PRSS55: variants seen among roughly 807,000 people sequenced by gnomAD.
PRSS55 encodes the protein probable serine protease UNQ9391/PRO34284.
A neutral mutation model predicts 23.6 loss-of-function variants in PRSS55; 41 were observed. That is an observed-to-expected ratio of 1.74 (90% CI 1.35 to 2.26). The LOEUF is 2.26. Among genes scored for constraint, PRSS55 ranks in the 30% most tolerant of loss-of-function variants. The pLI, the probability that PRSS55 is intolerant of heterozygous loss-of-function variation, is 0.00. For missense variants in PRSS55, 669 were observed against 439.1 expected (o/e 1.52, Z -4.68); for synonymous variants, 262 against 175.5 (o/e 1.49, Z -3.90).
chr8:10,525,720 T>A lies in PRSS55; in HGVS notation c.135T>A (p.His45Gln). 1.2e-6 allele frequency: 2 copies of A among 1,608,996 alleles called. No individual in the cohort carries two copies. Among genetic ancestry groups the A allele is most frequent in the South Asian group, 1.1e-5 (1 of 90,268 alleles). ...GAGCCCACCGCCCTCAGCCCCCTCA[T>A]CCCCCCAGCCCAGTCAGTGGTGAGT... ...ARGAHRPQPP[H>Q]PPSPVSECGD... Residue 45 changes from histidine (H) to glutamine (Q), a missense_variant, in exon 1 of 5, where the codon CAT (histidine) becomes CAA (glutamine). Physicochemically the swap from His to Gln is conservative, Grantham distance 24. Transcript: ENST00000328655.
chr8:10,538,035 G>A (rs948534700), intron 4 of PRSS55, among the ~76,000 whole-genome samples: 9 of 152,242 alleles, frequency 5.9e-5, no homozygotes, highest in African/African-American at 2.2e-4. Context: ...TTCTCTCTGT[G>A]CTTCTGCAAG....
chr8:10,526,421 C>A (rs1297618412), intron 1 of PRSS55, among the ~76,000 whole-genome samples: 1 of 152,232 alleles, frequency 6.6e-6, no homozygotes, highest in African/African-American at 2.4e-5. Context: ...CTGTGCACAC[C>A]ACTTCTTGCC....
At chr8:10,526,273 G>A (rs760618985) in intron 1 of PRSS55, among the ~76,000 whole-genome samples, 1 of 152,200 alleles carries the variant, frequency 6.6e-6, no homozygotes, top group Non-Finnish European at 1.5e-5. Context: ...ACCACGGTGG[G>A]GCATCTGCTC....
At chr8:10,537,081 A>C (rs1348068226) in intron 4 of PRSS55, among the ~76,000 whole-genome samples, 2 of 152,236 alleles carry the variant, frequency 1.3e-5, no homozygotes, top group South Asian at 4.1e-4. Context: ...GTACTAAAAA[A>C]ATTAAAAATA....
At position 10,538,730 on chromosome 8, in the gene PRSS55, C is replaced by T. The variant is rs747106706; in HGVS notation, c.996C>T (p.Ser332=). The change falls in exon 5 of 5, where the codon AGC becomes AGT. Residue 332 remains serine, a synonymous_variant. Transcript: ENST00000328655. ...SPVSGVPEPG[S]PRSWLLLCPL... is the part of the protein sequence containing the mutation. ...TCTCGGGAGTCCCAGAGCCAGGCAG[C>T]CCCAGATCCTGGCTCCTGCTCTGTC... 9.9e-6 allele frequency: 16 copies of T among 1,612,862 alleles called. No homozygotes were observed. Among genetic ancestry groups the T allele is most frequent in the Middle Eastern group, 1.7e-4 (1 of 6,050 alleles).
chr8:10,540,006 G>A (rs2117056315), downstream of PRSS55, among the ~76,000 whole-genome samples: 1 of 152,298 alleles, frequency 6.6e-6, no homozygotes, highest in African/African-American at 2.4e-5. Context: ...CTGGAGCCAA[G>A]CTGATGGCGC....
intron 4 of PRSS55, among the ~76,000 whole-genome samples, chr8:10,548,471 G>C (rs114278373): frequency 2.6e-5 from 4 of 152,162 alleles, no homozygotes; most frequent in African/African-American, 9.7e-5. Context: ...CTGGGCCCAG[G>C]CATTGCATCC....
At chr8:10,527,263 T>C (rs1268976461) in intron 1 of PRSS55, among the ~76,000 whole-genome samples, 1 of 152,188 alleles carries the variant, frequency 6.6e-6, no homozygotes, top group African/African-American at 2.4e-5. Context: ...ACCCCTAGCG[T>C]TTAGCTTGTT....
chr8:10,543,414 TTC>T (rs374933295), downstream of PRSS55, among the ~76,000 whole-genome samples: 12 of 17,692 alleles, frequency 6.8e-4, no homozygotes, highest in African/African-American at 8.9e-4. Flanking sequence ...TCTTTCTTTC[TTC>T]TTTCTTTCTT....
chr8:10,540,435 G>A (rs1422569110), downstream of PRSS55: 2 of 152,312 alleles, frequency 1.3e-5, no homozygotes, highest in East Asian at 1.9e-4. Flanking sequence ...TTCCTGGTTG[G>A]GCGAGGTGGC....
chr8:10,533,561 C>G (rs146204201), intron 4 of PRSS55, among the ~76,000 whole-genome samples: 30 of 152,222 alleles, frequency 2.0e-4, no homozygotes, highest in African/African-American at 7.0e-4. Context: ...CTCTTTGCCT[C>G]TCTTTAATAA....
At chr8:10,550,911 C>T (rs143226928) in intron 4 of PRSS55, among the ~76,000 whole-genome samples, 1 of 152,224 alleles carries the variant, frequency 6.6e-6, no homozygotes, top group African/African-American at 2.4e-5. Flanking sequence ...GCTATCCTGT[C>T]TTCTTTCACA....
chr8:10,538,381 G>A (rs1308252259), intron 4 of PRSS55, 95 bp from the exon 5 acceptor site: 15 of 979,078 alleles, frequency 1.5e-5, no homozygotes, highest in Admixed American at 1.3e-4. Context: ...CCAGAGTTGG[G>A]GAGGCTGAGG....
chr8:10,544,379 CTTT>C (rs1267362303), intron 4 of PRSS55, among the ~76,000 whole-genome samples: 2 of 150,968 alleles, frequency 1.3e-5, no homozygotes, highest in Non-Finnish European at 3.0e-5. Context: ...TTATCTGTTT[CTTT>C]TTATTTTTAA....
At chr8:10,538,136 G>A (rs1032861943) in intron 4 of PRSS55, among the ~76,000 whole-genome samples, 1 of 152,076 alleles carries the variant, frequency 6.6e-6, no homozygotes, top group African/African-American at 2.4e-5. Context: ...TTTGATAAGA[G>A]CCTCTCATTT....
In PRSS55 at chr8:10,525,697, G is replaced by T. The variant is rs760190605; in HGVS notation, c.112G>T (p.Ala38Ser). 1.9e-6 allele frequency: 3 copies of T among 1,613,586 alleles called. No homozygotes were observed. Among genetic ancestry groups the T allele is most frequent in the Non-Finnish European group, 2.5e-6 (3 of 1,179,818 alleles). The stretch of plus-strand genomic sequence containing the variant: ...GGCTATCCTAGGCAGGGCTAGGGGA[G>T]CCCACCGCCCTCAGCCCCCTCATCC... ...GVAILGRARG[A>S]HRPQPPHPPS... The change falls in exon 1 of 5, where the codon GCC becomes TCC. Residue 38 changes from alanine to serine, a missense_variant. By Grantham distance (99) the Ala-to-Ser change is moderately conservative. Coordinates refer to ENST00000328655, the MANE Select transcript of PRSS55 (RefSeq NM_198464.4).
chr8:10,531,825 TCTACTCTGTATTC>T (rs1812277750), intron 3 of PRSS55: 5 of 454,480 alleles, frequency 1.1e-5, no homozygotes, highest in South Asian at 5.6e-5. Flanking sequence ...CAGAGGCCCC[TCTACTCTGTATTC>T]ATAAACATCT....
exon 5 of PRSS55, chr8:10,553,959 C>T: frequency 1.3e-6 from 2 of 1,524,392 alleles, no homozygotes; most frequent in East Asian, 4.9e-5. Context: ...TATTTTCCCA[C>T]TTTACAAAGA....
At position 10,525,813 on chromosome 8, in the gene PRSS55, C is replaced by T; in HGVS notation, c.154+74C>T. 4.1e-6 allele frequency: 6 copies of T among 1,474,456 alleles called. No homozygotes were observed. In the South Asian group the frequency reaches 7.9e-5, roughly 19 times the overall value. 91.3% of individuals were successfully genotyped at this position (1,474,456 alleles called of 1,614,324 possible). On this transcript the variant is annotated intron_variant, in intron 1 of 4. Transcript: ENST00000328655. ...GACTGGCTGCCAGGAGGGTGGATCG[C>T]AGAGCACAAGGCCAGAGCTCCAGGG...
Sources: allele counts gnomAD v4.1 joint callset (sites outside exome capture counted in the v4.1 genomes callset), GRCh38; gene constraint gnomAD v4.1.1; transcripts MANE v1.5; gene names NCBI Gene and HGNC (gene_info 2026-07-23, HGNC 2026-07-21).